Variants in RAPGEF2 observed in about 807,000 individuals in gnomAD.
RAPGEF2 encodes Rap guanine nucleotide exchange factor 2.
In RAPGEF2, 54 loss-of-function variants were observed where a neutral mutation model predicts 186.7. The observed-to-expected ratio is 0.29, with a 90% confidence interval of 0.23 to 0.36. The LOEUF (loss-of-function observed/expected upper bound fraction) is 0.36, where lower values mean the gene tolerates loss of function less well. Ranked by LOEUF, RAPGEF2 falls within the 10% of genes least tolerant of loss-of-function variation. RAPGEF2 has a pLI of 1.00. For synonymous variants in RAPGEF2, 712 were observed against 705.9 expected (o/e 1.01, Z -0.14); for missense variants, 1,532 against 2,045.0 (o/e 0.75, Z 4.84).
chr4:159,163,890 A>T (rs558116979), intron 1 of RAPGEF2, among the ~76,000 whole-genome samples: 1 of 152,018 alleles, frequency 6.6e-6, no homozygotes, highest in East Asian at 1.9e-4. Context: ...TAGTACATGG[A>T]TAAAATGAGC....
At chr4:159,264,291 A>C (rs527399854) in intron 7 of RAPGEF2, among the ~76,000 whole-genome samples, 2 of 152,242 alleles carry the variant, frequency 1.3e-5, no homozygotes, top group Non-Finnish European at 2.9e-5. Context: ...GCCAAGTCTT[A>C]GCACAGAAAA....
chr4:159,335,611 G>A (rs1374700755), intron 17 of RAPGEF2, among the ~76,000 whole-genome samples: 1 of 152,078 alleles, frequency 6.6e-6, no homozygotes, highest in Admixed American at 6.6e-5. Flanking sequence ...ACTTTGGGAG[G>A]CCGAGGCGGT....
intron 7 of RAPGEF2, chr4:159,268,275 T>C: frequency 3.7e-6 from 5 of 1,341,548 alleles, no homozygotes; most frequent in Non-Finnish European, 4.3e-6. Context: ...TGCTTTAAAA[T>C]GGGAATTGTT....
chr4:159,345,780 T>G (rs1233349489), intron 24 of RAPGEF2, among the ~76,000 whole-genome samples: 1 of 151,924 alleles, frequency 6.6e-6, no homozygotes, highest in Non-Finnish European at 1.5e-5. Flanking sequence ...ACCAGTTAGT[T>G]AGAGCAATGA....
intron 8 of RAPGEF2, among the ~76,000 whole-genome samples, chr4:159,310,826 G>GA (rs1763864051): frequency 2.0e-5 from 3 of 151,720 alleles, no homozygotes; most frequent in Admixed American, 1.3e-4. Flanking sequence ...TCTTTATTTA[G>GA]AAAAAAAGGG....
chr4:159,266,587 A>C (rs1359250941), intron 7 of RAPGEF2, among the ~76,000 whole-genome samples: 1 of 152,272 alleles, frequency 6.6e-6, no homozygotes, highest in African/African-American at 2.4e-5. Context: ...TTAAAAAAAA[A>C]ACCTGGGTAG....
At chr4:159,127,646 A>T (rs1265109188) in intron 1 of RAPGEF2, among the ~76,000 whole-genome samples, 1 of 152,158 alleles carries the variant, frequency 6.6e-6, no homozygotes, top group Non-Finnish European at 1.5e-5. Flanking sequence ...TACCTTTATG[A>T]CCTTTATGTC....
intron 1 of RAPGEF2, among the ~76,000 whole-genome samples, chr4:159,141,447 C>T (rs1386837979): frequency 6.6e-6 from 1 of 152,044 alleles, no homozygotes; most frequent in Non-Finnish European, 1.5e-5. Flanking sequence ...TAGCTTGTTT[C>T]TGGATTCCAT....
chr4:159,143,967 T>A (rs1346835080), intron 1 of RAPGEF2, among the ~76,000 whole-genome samples: 1 of 152,238 alleles, frequency 6.6e-6, no homozygotes, highest in Non-Finnish European at 1.5e-5. Flanking sequence ...AGTAGCCAGG[T>A]GCCCACTGGT....
intron 25 of RAPGEF2, among the ~76,000 whole-genome samples, chr4:159,347,567 G>C (rs893973204): frequency 2.0e-5 from 3 of 151,834 alleles, no homozygotes; most frequent in African/African-American, 7.3e-5. Context: ...GGCAGATCAC[G>C]AGGTCAGGAG....
At chr4:159,298,142 A>G (rs1167963573) in intron 7 of RAPGEF2, among the ~76,000 whole-genome samples, 1 of 152,178 alleles carries the variant, frequency 6.6e-6, no homozygotes, top group Non-Finnish European at 1.5e-5. Flanking sequence ...TAAAAAGTCT[A>G]CCTGTAGTTT....
intron 1 of RAPGEF2, among the ~76,000 whole-genome samples, chr4:159,157,171 A>G (rs1397251178): frequency 2.0e-5 from 3 of 152,196 alleles, no homozygotes; most frequent in African/African-American, 7.2e-5. Flanking sequence ...ATAACACTTC[A>G]TGACCTATAA....
At chr4:159,133,704 C>G (rs894077037) in intron 1 of RAPGEF2, among the ~76,000 whole-genome samples, 1 of 152,282 alleles carries the variant, frequency 6.6e-6, no homozygotes, top group African/African-American at 2.4e-5. Flanking sequence ...CTGCCTCAGC[C>G]TCCCGAGTAG....
At chr4:159,337,180 AT>A (rs1466793174) in intron 17 of RAPGEF2, among the ~76,000 whole-genome samples, 1 of 152,234 alleles carries the variant, frequency 6.6e-6, no homozygotes, top group African/African-American at 2.4e-5. Context: ...TGATCAGAGA[AT>A]TAAAAGTGAG....
At chr4:159,135,295 C>A (rs774815309) in intron 1 of RAPGEF2, among the ~76,000 whole-genome samples, 8 of 152,224 alleles carry the variant, frequency 5.3e-5, no homozygotes, top group Non-Finnish European at 1.0e-4. Context: ...GTCCGCCCAC[C>A]TCAGCCTCCC....
At chr4:159,251,969 C>T (rs994045137) in intron 7 of RAPGEF2, among the ~76,000 whole-genome samples, 6 of 152,060 alleles carry the variant, frequency 3.9e-5, no homozygotes, top group Admixed American at 1.3e-4. Context: ...CTGCAGCTTC[C>T]CTCCTGAAGT....
At chr4:159,132,289 T>A (rs1741198918) in intron 1 of RAPGEF2, among the ~76,000 whole-genome samples, 1 of 152,256 alleles carries the variant, frequency 6.6e-6, no homozygotes, top group Non-Finnish European at 1.5e-5. Context: ...GTTACTTTGC[T>A]AGATTTTGGA....
chr4:159,190,172 A>AGT (rs1231946395), intron 2 of RAPGEF2, among the ~76,000 whole-genome samples: 1 of 152,202 alleles, frequency 6.6e-6, no homozygotes, highest in African/African-American at 2.4e-5. Flanking sequence ...ACAGTAAGTA[A>AGT]GTAAAATATA....
intron 1 of RAPGEF2, among the ~76,000 whole-genome samples, chr4:159,168,768 T>C (rs931872193): frequency 7.2e-5 from 11 of 152,160 alleles, no homozygotes; most frequent in African/African-American, 2.4e-4. Context: ...ATGGAAAGAA[T>C]GAGAAGTTAT....
Sources: gnomAD v4.1 joint callset for allele counts (sites outside exome capture counted in the v4.1 genomes callset) on GRCh38, gnomAD v4.1.1 for gene constraint, MANE v1.5 for transcripts, NCBI Gene and HGNC (gene_info 2026-07-23, HGNC 2026-07-21) for gene names.